Variants in CHMP4C observed in about 807,000 individuals in gnomAD.
CHMP4C encodes charged multivesicular body protein 4C.
A neutral mutation model predicts 29.0 loss-of-function variants in CHMP4C; 28 were observed. The observed-to-expected ratio is 0.97, with a 90% confidence interval of 0.72 to 1.32. The LOEUF is 1.32. Among genes scored for constraint, CHMP4C ranks in the 40% most tolerant of loss-of-function variants. The pLI is 0.00. For synonymous variants in CHMP4C, 106 were observed against 102.4 expected (o/e 1.04, Z -0.21); for missense variants, 291 against 281.0 (o/e 1.04, Z -0.25).
chr8:81,754,824 C>T (rs1321951108), intron 2 of CHMP4C, among the ~76,000 whole-genome samples: 1 of 152,150 alleles, frequency 6.6e-6, no homozygotes, highest in Non-Finnish European at 1.5e-5. Flanking sequence ...TAGGTTTAAT[C>T]CTGCTCTCTT....
At chr8:81,750,575 G>T (rs1229184383) in intron 1 of CHMP4C, among the ~76,000 whole-genome samples, 1 of 152,076 alleles carries the variant, frequency 6.6e-6, no homozygotes, top group Non-Finnish European at 1.5e-5. Context: ...ACTGCATCCA[G>T]CCCGAGTGAC....
intron 3 of CHMP4C, among the ~76,000 whole-genome samples, chr8:81,756,945 G>T (rs547281859): frequency 2.4e-4 from 37 of 152,016 alleles, no homozygotes; most frequent in African/African-American, 8.9e-4. Context: ...TATTTCATAC[G>T]GCCCAATGCT....
chr8:81,732,848 C>G, intron 1 of CHMP4C, 32 bp downstream of exon 1: 1 of 1,589,666 alleles, frequency 6.3e-7, no homozygotes, highest in Non-Finnish European at 8.6e-7. Flanking sequence ...AGGCGGGAGC[C>G]CATCTGCCTC....
chr8:81,735,888 ACCAGGCTGG>A (rs1003139166), intron 1 of CHMP4C, among the ~76,000 whole-genome samples: 1 of 152,002 alleles, frequency 6.6e-6, no homozygotes, highest in Non-Finnish European at 1.5e-5. Context: ...GGAGTTTGAG[ACCAGGCTGG>A]CCAACATGGT....
Position 81,758,894 on chromosome 8 carries a change from G to A in CHMP4C, c.*350G>A. 5.5e-6 allele frequency: 1 copy of A among 182,250 alleles called. No individual in the cohort carries two copies. Among genetic ancestry groups the A allele is most frequent in the Non-Finnish European group, 1.1e-5 (1 of 87,810 alleles). The allele number at this position is 182,250 out of a possible 1,614,324, so 11.3% of individuals were successfully genotyped here. Reference sequence around the variant, plus strand: ...CAGGCACCTGTAATCCCAGCTACTTGGGAGGCTGAGTCAGGAGAATCGCTT... The same window carrying A: ...CAGGCACCTGTAATCCCAGCTACTTAGGAGGCTGAGTCAGGAGAATCGCTT... On this transcript the variant is annotated 3_prime_UTR_variant, in exon 5 of 5. Transcript: ENST00000297265.
At chr8:81,752,514 C>T (rs142635453) in intron 1 of CHMP4C, among the ~76,000 whole-genome samples, 90 of 152,244 alleles carry the variant, frequency 5.9e-4, no homozygotes, top group African/African-American at 2.0e-3. Flanking sequence ...TGGATGCTCA[C>T]GGTTAGATGT....
At chr8:81,755,518 G>A in intron 3 of CHMP4C, 34 bp downstream of exon 3, 1 of 1,298,096 alleles carries the variant, frequency 7.7e-7, no homozygotes, top group Non-Finnish European at 1.1e-6. Context: ...GCAGGATTGT[G>A]GCTGCTATAA....
intron 1 of CHMP4C, among the ~76,000 whole-genome samples, chr8:81,742,641 G>A (rs1028835870): frequency 3.3e-5 from 5 of 152,118 alleles, no homozygotes; most frequent in Admixed American, 2.0e-4. Context: ...CAGCAGTAAC[G>A]TTGTTTAACA....
rs370069091 is a variant in CHMP4C, at chr8:81,755,424, C to T, written c.423C>T (p.Ile141=). ...AAGAGATCACAGAGCAACAGGATAT[C>T]GCCCAAGAAATCTCAGAAGCATTTT... is the stretch of plus-strand genomic sequence containing the variant. ...LMQEITEQQD[I]AQEISEAFSQ... The change falls in exon 3 of 5, where the codon ATC becomes ATT. Residue 141 remains isoleucine, a synonymous_variant. Coordinates refer to ENST00000297265, the MANE Select transcript of CHMP4C (RefSeq NM_152284.4). The T allele has an allele frequency of 4.7e-5, 75 of 1,612,208 alleles. 1 individual carries two copies. Among genetic ancestry groups the T allele is most frequent in the Middle Eastern group, 1.6e-4 (1 of 6,074 alleles).
intron 1 of CHMP4C, among the ~76,000 whole-genome samples, chr8:81,737,784 G>A (rs73694772): frequency 0.017 from 2,580 of 152,284 alleles, 76 homozygotes; most frequent in African/African-American, 0.057. Flanking sequence ...ATTGGGTAAA[G>A]CATTCAGTGC....
intron 1 of CHMP4C, among the ~76,000 whole-genome samples, chr8:81,745,217 A>C (rs1278841792): frequency 6.6e-6 from 1 of 152,228 alleles, no homozygotes; most frequent in Non-Finnish European, 1.5e-5. Context: ...AAAAAATGAC[A>C]TAAGCAATTA....
intron 1 of CHMP4C, among the ~76,000 whole-genome samples, chr8:81,738,032 AGG>A (rs1808716257): frequency 6.6e-6 from 1 of 152,104 alleles, no homozygotes; most frequent in African/African-American, 2.4e-5. Flanking sequence ...TTTTCTCACT[AGG>A]GGCAGGTCAA....
intron 1 of CHMP4C, among the ~76,000 whole-genome samples, chr8:81,746,919 C>T (rs975064271): frequency 9.2e-5 from 14 of 152,194 alleles, no homozygotes; most frequent in African/African-American, 2.9e-4. Context: ...TAATCACTCA[C>T]TATGTGCCAC....
intron 1 of CHMP4C, among the ~76,000 whole-genome samples, chr8:81,735,436 TAGTTA>T (rs1808677227): frequency 7.7e-6 from 1 of 130,196 alleles, no homozygotes; most frequent in Admixed American, 7.5e-5. Flanking sequence ...TTCATATACA[TAGTTA>T]ACTGTCTTCT....
Position 81,747,436 on chromosome 8 carries a change from A to G in CHMP4C, c.191-5628A>G, listed in dbSNP as rs16909550. 9.7e-3 allele frequency among the ~76,000 whole-genome samples: 1,469 copies of G among 152,008 alleles called. 24 individuals carry two copies. Among genetic ancestry groups the G allele is most frequent in the African/African-American group, 0.033 (1,388 of 41,442 alleles). ...CTGAACCAGCCTGACGAGATAGGGA[A>G]GACATGCACTCTGAAGATTCCACTT... is the stretch of plus-strand genomic sequence containing the variant. On this transcript the variant is annotated intron_variant, in intron 1 of 4. Coordinates refer to ENST00000297265, the MANE Select transcript of CHMP4C (RefSeq NM_152284.4).
Position 81,758,485 on chromosome 8 carries a change from T to G in CHMP4C, c.643T>G (p.Ser215Ala), listed in dbSNP as rs754892073. 1 of 1,611,888 alleles carries G rather than the reference T, an allele frequency of 6.2e-7. No homozygotes were observed. The highest frequency in any genetic ancestry group is 2.2e-5 in the East Asian group (1 of 44,870). Residue 215 changes from serine to alanine, a missense_variant, in exon 5 of 5, where the codon TCC becomes GCC. Ser to Ala is a moderately conservative substitution (Grantham distance 99). Coordinates refer to ENST00000297265, the MANE Select transcript of CHMP4C (RefSeq NM_152284.4). ...TTATCTATTTTATGTTCCAGCATCT[T>G]CCCAGAGGGCAGAAGAAGAGGATGA... ...STARRSRAAS[S>A]QRAEEEDDDI...
intron 1 of CHMP4C, among the ~76,000 whole-genome samples, chr8:81,739,165 C>T (rs1450764279): frequency 6.3e-5 from 9 of 143,224 alleles, no homozygotes; most frequent in Middle Eastern, 3.9e-3. Flanking sequence ...GGCCTGATCT[C>T]GGCTCACTGC....
rs1457315597 is a variant in CHMP4C, at chr8:81,753,245, A to C, written c.368+4A>C. On this transcript the variant is annotated splice_donor_region_variant and intron_variant, in intron 2 of 4. Transcript: ENST00000297265. ...TGAAATCTGTTCATGAAAACATGTG[A>C]GTGACTCTGGTCTCCCTCTGAATCA... 1 of 1,397,798 alleles carries C rather than the reference A, an allele frequency of 7.2e-7. No individual in the cohort carries two copies. Among genetic ancestry groups the C allele is most frequent in the Non-Finnish European group, 9.9e-7 (1 of 1,014,262 alleles). 86.6% of individuals were successfully genotyped at this position (1,397,798 alleles called of 1,614,324 possible).
chr8:81,749,791 T>C (rs958017996), intron 1 of CHMP4C, among the ~76,000 whole-genome samples: 6 of 152,194 alleles, frequency 3.9e-5, no homozygotes, highest in Non-Finnish European at 7.4e-5. Flanking sequence ...CTGGGCTCCC[T>C]CATTCACATG....
Sources: gnomAD v4.1 joint callset for allele counts (sites outside exome capture counted in the v4.1 genomes callset) on GRCh38, gnomAD v4.1.1 for gene constraint, MANE v1.5 for transcripts, NCBI Gene and HGNC (gene_info 2026-07-23, HGNC 2026-07-21) for gene names.